ZMYND8: variants seen among roughly 807,000 people sequenced by gnomAD.
The protein encoded by ZMYND8 is MYND-type zinc finger-containing chromatin reader ZMYND8.
A neutral mutation model predicts 140.8 loss-of-function variants in ZMYND8; 37 were observed. The ratio of observed to expected loss-of-function variants is 0.26; its 90% CI spans 0.20 to 0.35. The LOEUF is 0.35. ZMYND8 is among the 10% of genes least tolerant of loss of function. ZMYND8 has a pLI of 1.00. For missense variants in ZMYND8, 1,068 were observed against 1,570.0 expected (o/e 0.68, Z 5.40); for synonymous variants, 592 against 597.1 (o/e 0.99, Z 0.12).
intron 8 of ZMYND8, chr20:47,285,688 T>C: frequency 1.0e-6 from 1 of 985,358 alleles, no homozygotes; most frequent in Non-Finnish European, 1.2e-6. Context: ...CGCAATGATA[T>C]TCATCACCTT....
intron 3 of ZMYND8, among the ~76,000 whole-genome samples, chr20:47,309,165 T>C (rs2078724102): frequency 6.6e-6 from 1 of 152,064 alleles, no homozygotes; most frequent in Non-Finnish European, 1.5e-5. Context: ...GTGAACGGAT[T>C]TTTCCTATCT....
At chr20:47,280,587 T>C (rs549078347) in intron 10 of ZMYND8, among the ~76,000 whole-genome samples, 21 of 152,286 alleles carry the variant, frequency 1.4e-4, no homozygotes, top group African/African-American at 3.6e-4. Context: ...TCTGGGAATA[T>C]TGGGTGCAAG....
At chr20:47,319,008 AC>A in intron 2 of ZMYND8, 1 of 1,351,378 alleles carries the variant, frequency 7.4e-7, no homozygotes, top group Non-Finnish European at 9.8e-7. Flanking sequence ...TCAAAAGAGA[AC>A]AGAGGCTCAC....
chr20:47,220,099 AC>A (rs572813328), intron 21 of ZMYND8, among the ~76,000 whole-genome samples, 158 bp downstream of exon 21: 6 of 151,208 alleles, frequency 4.0e-5, no homozygotes, highest in Non-Finnish European at 7.4e-5. Flanking sequence ...ATGCTCAGCT[AC>A]CCCCTCACCC....
At chr20:47,245,655 G>C (rs987395994) in intron 14 of ZMYND8, among the ~76,000 whole-genome samples, 2 of 152,192 alleles carry the variant, frequency 1.3e-5, no homozygotes, top group Non-Finnish European at 2.9e-5. Context: ...CAAACACTTT[G>C]GGGAAATAAA....
At chr20:47,291,251 T>G (rs940132729) in intron 6 of ZMYND8, among the ~76,000 whole-genome samples, 1 of 152,192 alleles carries the variant, frequency 6.6e-6, no homozygotes, top group African/African-American at 2.4e-5. Context: ...CTGCAAATAG[T>G]TGGAAAATCA....
At chr20:47,354,180 T>G (rs995097487) in intron 1 of ZMYND8, 1 of 152,180 alleles carries the variant, frequency 6.6e-6, no homozygotes, top group African/African-American at 2.4e-5. Context: ...AGTGGCTAGC[T>G]TGGTCCAGGG....
chr20:47,295,894 G>A (rs2077605482), intron 4 of ZMYND8, among the ~76,000 whole-genome samples: 1 of 152,130 alleles, frequency 6.6e-6, no homozygotes, highest in Non-Finnish European at 1.5e-5. Context: ...AACCATCTGT[G>A]TAGGGAGAGC....
At chr20:47,302,242 A>C (rs1169949435) in intron 3 of ZMYND8, among the ~76,000 whole-genome samples, 1 of 152,210 alleles carries the variant, frequency 6.6e-6, no homozygotes, top group African/African-American at 2.4e-5. Flanking sequence ...TGGGAGGCCG[A>C]GGTGGGTGGA....
At chr20:47,296,211 TGG>T (rs2077625634) in intron 4 of ZMYND8, among the ~76,000 whole-genome samples, 1 of 152,190 alleles carries the variant, frequency 6.6e-6, no homozygotes, top group Non-Finnish European at 1.5e-5. Flanking sequence ...AACTTATCCA[TGG>T]CAAACACTTG....
chr20:47,327,329 A>G (rs1195327677), intron 2 of ZMYND8, among the ~76,000 whole-genome samples: 14 of 151,724 alleles, frequency 9.2e-5, no homozygotes, highest in Admixed American at 3.9e-4. Context: ...CTCTTTTAAA[A>G]TAAGGTCATT....
chr20:47,216,883 A>AC (rs2036206765), intron 21 of ZMYND8, among the ~76,000 whole-genome samples: 2 of 152,126 alleles, frequency 1.3e-5, no homozygotes, highest in Non-Finnish European at 2.9e-5. Context: ...TATTGGGAAG[A>AC]CGATCCGGCA....
intron 1 of ZMYND8, chr20:47,353,126 G>A (rs1206975014): frequency 6.6e-6 from 1 of 152,142 alleles, no homozygotes; most frequent in East Asian, 1.9e-4. Flanking sequence ...GTTGCAAGTG[G>A]CTGGACTTTT....
intron 11 of ZMYND8, among the ~76,000 whole-genome samples, chr20:47,265,227 A>G (rs2075435672): frequency 6.6e-6 from 1 of 152,028 alleles, no homozygotes; most frequent in Non-Finnish European, 1.5e-5. Context: ...GGCTTCTCTA[A>G]TTGTATTCCC....
At chr20:47,255,689 GTATATA>G (rs367757125) in intron 12 of ZMYND8, among the ~76,000 whole-genome samples, 8 of 103,180 alleles carry the variant, frequency 7.8e-5, no homozygotes, top group Admixed American at 2.2e-4. Context: ...GTGTGTGTGT[GTATATA>G]TATATATATA....
intron 3 of ZMYND8, among the ~76,000 whole-genome samples, chr20:47,299,849 T>C (rs1348082773): frequency 6.6e-6 from 1 of 152,208 alleles, no homozygotes; most frequent in Non-Finnish European, 1.5e-5. Context: ...CCCAAAGTGC[T>C]GGGATTACAG....
intron 11 of ZMYND8, among the ~76,000 whole-genome samples, chr20:47,271,407 G>A (rs2075937602): frequency 6.6e-6 from 1 of 152,192 alleles, no homozygotes; most frequent in African/African-American, 2.4e-5. Flanking sequence ...CATGCACTAT[G>A]TATCAGAAAA....
chr20:47,338,168 G>C (rs1256668542), intron 2 of ZMYND8, among the ~76,000 whole-genome samples: 1 of 152,114 alleles, frequency 6.6e-6, no homozygotes, highest in Non-Finnish European at 1.5e-5. Context: ...GGTGGGTCCA[G>C]GTGTCCAGGA....
intron 8 of ZMYND8, among the ~76,000 whole-genome samples, chr20:47,284,137 G>A (rs2076779019): frequency 6.6e-6 from 1 of 152,080 alleles, no homozygotes; most frequent in African/African-American, 2.4e-5. Context: ...TAGCCAGGCT[G>A]GTCTCAAACT....
Sources: allele counts gnomAD v4.1 joint callset (sites outside exome capture counted in the v4.1 genomes callset), GRCh38; gene constraint gnomAD v4.1.1; transcripts MANE v1.5; gene names NCBI Gene and HGNC (gene_info 2026-07-23, HGNC 2026-07-21).